The following URGCP variants were observed in gnomAD, a reference collection of about 807,000 sequenced individuals.
URGCP encodes upregulator of cell proliferation.
Under a neutral mutation model 24.6 loss-of-function variants are expected in URGCP, and 13 were observed. The ratio of observed to expected loss-of-function variants is 0.53; its 90% CI spans 0.34 to 0.84. URGCP has a LOEUF of 0.84. URGCP is among the 40% of genes least tolerant of loss of function. URGCP has a pLI of 0.01. For synonymous variants in URGCP, 444 were observed against 487.2 expected (o/e 0.91, Z 1.17); for missense variants, 899 against 1,194.3 (o/e 0.75, Z 3.64).
At chr7:43,892,422 A>AT (rs879351164) in intron 1 of URGCP, among the ~76,000 whole-genome samples, 2,584 of 144,140 alleles carry the variant, frequency 0.018, 61 homozygotes, top group African/African-American at 0.059. Flanking sequence ...AACAGCCCCA[A>AT]TTTTTTTTTT....
chr7:43,906,690 G>A (rs2095903920), upstream of URGCP: 1 of 1,068,730 alleles, frequency 9.4e-7, no homozygotes, highest in Non-Finnish European at 1.1e-6. Context: ...CGCGCTCCAG[G>A]GGTGGAGGTG....
chr7:43,893,298 T>A (rs2132682387), intron 1 of URGCP, among the ~76,000 whole-genome samples: 1 of 152,210 alleles, frequency 6.6e-6, no homozygotes, highest in East Asian at 1.9e-4. Context: ...CTGTTCCACT[T>A]GAGCCTAGGA....
chr7:43,921,054 C>T lies in URGCP; in HGVS notation c.-116+5078G>A, dbSNP rs539747455. On this transcript the variant is annotated intron_variant, in intron 1 of 5. Transcript: ENST00000426198. ...AAAAAAGAGAGCTCTAGGCCGGGCA[C>T]GGTGGCCCACACCTGTAATCCCAGC... Among the ~76,000 whole-genome samples, 12 of 152,238 alleles carry T rather than the reference C, an allele frequency of 7.9e-5. No individual in the cohort carries two copies. The South Asian group carries it at 1.2e-3, about 16-fold the overall frequency.
intron 1 of URGCP, chr7:43,919,450 A>G: frequency 1.1e-6 from 1 of 951,274 alleles, no homozygotes; most frequent in East Asian, 2.4e-5. Context: ...TACATGGACA[A>G]TGACCTCATA....
At chr7:43,925,489 T>C (rs1182495097) in intron 1 of URGCP, among the ~76,000 whole-genome samples, 2 of 152,060 alleles carry the variant, frequency 1.3e-5, no homozygotes, top group African/African-American at 2.4e-5. Flanking sequence ...TTTTATTCTG[T>C]TTTTTTATTT....
chr7:43,919,624 G>A (rs574062966), intron 1 of URGCP: 15 of 1,392,230 alleles, frequency 1.1e-5, no homozygotes, highest in South Asian at 8.1e-5. Context: ...TCCACAGGCC[G>A]AGACCGCCAG....
chr7:43,915,891 C>A (rs538752749), intron 1 of URGCP, among the ~76,000 whole-genome samples: 92 of 152,302 alleles, frequency 6.0e-4, no homozygotes, highest in African/African-American at 1.9e-3. Flanking sequence ...CACCTGTAAT[C>A]TCAGCTACTC....
At chr7:43,904,063 CGTCTCTATACTGCT>C (rs1554291586) in intron 1 of URGCP, among the ~76,000 whole-genome samples, 2 of 152,172 alleles carry the variant, frequency 1.3e-5, no homozygotes, top group Non-Finnish European at 2.9e-5. Context: ...CCCTCTCTGC[CGTCTCTATACTGCT>C]GTCACATTGA....
chr7:43,891,534 G>A (rs942509725), intron 1 of URGCP, among the ~76,000 whole-genome samples: 2 of 151,878 alleles, frequency 1.3e-5, no homozygotes, highest in Admixed American at 6.6e-5. Context: ...TCAGACCCTC[G>A]GCTGATAGAA....
chr7:43,902,643 G>A (rs1158141334), intron 1 of URGCP, among the ~76,000 whole-genome samples: 1 of 152,242 alleles, frequency 6.6e-6, no homozygotes, highest in African/African-American at 2.4e-5. Flanking sequence ...GACCGGGTAA[G>A]CGAAGATGCC....
In URGCP at chr7:43,904,265, T is replaced by G. The variant is rs146541631; in HGVS notation, c.14+2297A>C. Reference sequence around the variant, plus strand: ...GCATTTCTCAAACACATCTTTTCCTTTGATGCCTTCATATCCTTTGATTGC... The same window carrying G: ...GCATTTCTCAAACACATCTTTTCCTGTGATGCCTTCATATCCTTTGATTGC... On this transcript the variant is annotated intron_variant, in intron 1 of 5. Coordinates refer to ENST00000453200, the MANE Select transcript of URGCP (RefSeq NM_001077663.3). Among the ~76,000 whole-genome samples, 921 of 152,352 alleles carry G rather than the reference T, an allele frequency of 6.0e-3. 16 individuals are homozygous for G. Among genetic ancestry groups the G allele is most frequent in the African/African-American group, 0.021 (866 of 41,576 alleles).
intron 3 of URGCP, among the ~76,000 whole-genome samples, chr7:43,883,359 TATA>T (rs1406725983): frequency 2.4e-4 from 22 of 92,894 alleles, no homozygotes; most frequent in African/African-American, 1.3e-3. Flanking sequence ...TATATATATA[TATA>T]TTTTTTTTTT....
intron 1 of URGCP, among the ~76,000 whole-genome samples, chr7:43,915,656 T>C (rs188602741): frequency 1.7e-3 from 252 of 152,332 alleles, no homozygotes; most frequent in African/African-American, 5.6e-3. Context: ...CCATGGAGTC[T>C]TCCCCTCCTC....
intron 1 of URGCP, among the ~76,000 whole-genome samples, chr7:43,903,843 T>G (rs1442683789): frequency 6.6e-6 from 1 of 152,098 alleles, no homozygotes; most frequent in East Asian, 1.9e-4. Context: ...GATGTGACCA[T>G]GCAGAGAACA....
intron 1 of URGCP, 26 bp downstream of exon 1, chr7:43,906,536 C>A: frequency 8.2e-7 from 1 of 1,221,384 alleles, no homozygotes; most frequent in Non-Finnish European, 1.0e-6. Flanking sequence ...GCCGCGGGGG[C>A]GCAGGGCCTG....
At chr7:43,885,858 G>A (rs939885284) in intron 3 of URGCP, among the ~76,000 whole-genome samples, 5 of 152,222 alleles carry the variant, frequency 3.3e-5, no homozygotes, top group Admixed American at 3.3e-4. Flanking sequence ...GAGTATTTAG[G>A]AGGTGAAGTT....
At chr7:43,906,422 TGGGCCTGGC>T (rs1222883967) in intron 1 of URGCP, 131 bp downstream of exon 1, 18 of 949,450 alleles carry the variant, frequency 1.9e-5, no homozygotes, top group East Asian at 1.0e-4. Flanking sequence ...GTGGGCCTGG[TGGGCCTGGC>T]GGGCGGGGGC....
intron 1 of URGCP, among the ~76,000 whole-genome samples, chr7:43,898,133 A>G (rs1396627196): frequency 1.3e-5 from 2 of 152,214 alleles, no homozygotes; most frequent in Admixed American, 6.5e-5. Flanking sequence ...TACATGCTCT[A>G]CAACCTCCAC....
rs1298354780 is a variant in URGCP at position 43,877,825 on chromosome 7, C to T, written c.1638G>A (p.Ser546=). The change falls in exon 6 of 6, where the codon TCG becomes TCA. Residue 546 remains serine, a synonymous_variant. Coordinates refer to ENST00000453200, the MANE Select transcript of URGCP (RefSeq NM_001077663.3). ...TCCCCGAGATGAACTCCTGCACCCC[C>T]GAGGAGGGATCATGGCCGTTCTGCT... ...RMQQNGHDPS[S]GVQEFISGIS... 10 of 1,608,792 alleles carry T rather than the reference C, an allele frequency of 6.2e-6. No homozygotes were observed. The highest frequency in any genetic ancestry group is 1.1e-5 in the South Asian group (1 of 90,568).
Sources: gnomAD v4.1 joint callset for allele counts (sites outside exome capture counted in the v4.1 genomes callset) on GRCh38, gnomAD v4.1.1 for gene constraint, MANE v1.5 for transcripts, NCBI Gene and HGNC (gene_info 2026-07-23, HGNC 2026-07-21) for gene names.